Variants in KIRREL1 observed in about 807,000 individuals in gnomAD.
The protein encoded by KIRREL1 is kirre like nephrin family adhesion molecule 1.
A neutral mutation model predicts 83.3 loss-of-function variants in KIRREL1; 25 were observed. That is an observed-to-expected ratio of 0.30 (90% CI 0.22 to 0.42). KIRREL1 has a LOEUF of 0.42. Ranked by LOEUF, KIRREL1 falls within the 10% of genes least tolerant of loss-of-function variation. The pLI is 1.00. For synonymous variants in KIRREL1, 388 were observed against 410.4 expected (o/e 0.95, Z 0.66); for missense variants, 812 against 1,032.3 (o/e 0.79, Z 2.92).
chr1:157,997,614 C>A (rs560192015), intron 1 of KIRREL1, among the ~76,000 whole-genome samples: 1 of 152,076 alleles, frequency 6.6e-6, no homozygotes, highest in East Asian at 1.9e-4. Flanking sequence ...TCCTTGGAGA[C>A]CTCAGAAAAG....
chr1:157,996,994 G>A (rs1017908053), intron 1 of KIRREL1, among the ~76,000 whole-genome samples: 1 of 152,190 alleles, frequency 6.6e-6, no homozygotes, highest in African/African-American at 2.4e-5. Context: ...CAGTGAGATG[G>A]GAGGAGGAAG....
At chr1:158,068,768 G>T (rs1280011775) in intron 1 of KIRREL1, among the ~76,000 whole-genome samples, 7 of 151,928 alleles carry the variant, frequency 4.6e-5, no homozygotes, top group Admixed American at 1.3e-4. Context: ...TCTGGCTGTT[G>T]TATTTTTCAT....
intron 1 of KIRREL1, among the ~76,000 whole-genome samples, chr1:158,054,870 C>A (rs1300058887): frequency 6.6e-6 from 1 of 152,134 alleles, no homozygotes; most frequent in Non-Finnish European, 1.5e-5. Flanking sequence ...GACAATAGAG[C>A]GACAGGGAAG....
At chr1:158,057,640 C>T (rs1407515282) in intron 1 of KIRREL1, among the ~76,000 whole-genome samples, 1 of 152,106 alleles carries the variant, frequency 6.6e-6, no homozygotes, top group East Asian at 1.9e-4. Context: ...TTTTTGGGGT[C>T]GCCCCAGGTT....
chr1:158,080,837 G>A (rs6697006), intron 3 of KIRREL1, among the ~76,000 whole-genome samples: 67,838 of 151,980 alleles, frequency 0.45, 15,796 homozygotes, highest in East Asian at 0.71. Flanking sequence ...GAGGCAATAA[G>A]AAGGCATGAC....
intron 1 of KIRREL1, among the ~76,000 whole-genome samples, chr1:158,009,567 G>T (rs1460678901): frequency 6.6e-6 from 1 of 152,166 alleles, no homozygotes; most frequent in African/African-American, 2.4e-5. Context: ...AGGGAGGGAG[G>T]GTCCTTTTGT....
chr1:158,061,405 G>C (rs959018787), intron 1 of KIRREL1, among the ~76,000 whole-genome samples: 1 of 152,164 alleles, frequency 6.6e-6, no homozygotes, highest in African/African-American at 2.4e-5. Context: ...ATTCCTTGGG[G>C]GTGGGCAACA....
chr1:158,089,805 C>T lies in KIRREL1; in HGVS notation c.1259C>T (p.Pro420Leu), dbSNP rs1213280063. ...KVECFIGSTP[P>L]PDRIAWAWKE... Reference sequence around the variant, plus strand: ...GAGTGTTTCATTGGGAGCACACCACCCCCAGACCGCATAGTGAGTGGCGGA... The same window carrying T: ...GAGTGTTTCATTGGGAGCACACCACTCCCAGACCGCATAGTGAGTGGCGGA... Residue 420 changes from proline to leucine, a missense_variant, in exon 10 of 15, where the codon CCC (proline) becomes CTC (leucine). Coordinates refer to ENST00000359209, the MANE Select transcript of KIRREL1 (RefSeq NM_018240.7). The T allele has an allele frequency of 6.2e-7, 1 of 1,614,002 alleles. No individual in the cohort carries two copies. The highest frequency in any genetic ancestry group is 8.5e-7 in the Non-Finnish European group (1 of 1,179,938).
chr1:158,088,208 C>T (rs1662076455), intron 7 of KIRREL1, 54 bp downstream of exon 7: 2 of 1,613,052 alleles, frequency 1.2e-6, no homozygotes, highest in South Asian at 1.1e-5. Context: ...CCCCAAAGGG[C>T]CTTGGACAGA....
chr1:158,091,610 C>A (rs974996001), intron 11 of KIRREL1, 54 bp downstream of exon 11: 1 of 1,557,328 alleles, frequency 6.4e-7, no homozygotes. Flanking sequence ...GAGGATTCTG[C>A]TCCTTCTTTT....
chr1:158,042,833 G>GGA (rs1162201194), intron 1 of KIRREL1, among the ~76,000 whole-genome samples: 1 of 151,524 alleles, frequency 6.6e-6, no homozygotes, highest in Non-Finnish European at 1.5e-5. Flanking sequence ...AAGCACTTTG[G>GGA]GAGGCCAAGG....
intron 3 of KIRREL1, among the ~76,000 whole-genome samples, chr1:158,082,762 G>A (rs1403183722): frequency 2.0e-5 from 3 of 152,144 alleles, no homozygotes; most frequent in African/African-American, 7.2e-5. Flanking sequence ...GAGCCCAGGA[G>A]TTTCAGACCA....
rs143095266 is a variant in KIRREL1 at position 158,000,717 on chromosome 1, T to G, written c.52+6989T>G. Among the ~76,000 whole-genome samples, 1,227 of 152,324 alleles carry G rather than the reference T, an allele frequency of 8.1e-3. 9 individuals carry two copies. Among genetic ancestry groups the G allele is most frequent in the Middle Eastern group, 0.031 (9 of 294 alleles). Reference sequence around the variant, plus strand: ...CCATATTTAATTTATTCAGCCACTTTTATTAACCTCTGTTGTCTCCAGGGG... The same window carrying G: ...CCATATTTAATTTATTCAGCCACTTGTATTAACCTCTGTTGTCTCCAGGGG... On this transcript the variant is annotated intron_variant, in intron 1 of 14. Coordinates refer to ENST00000359209, the MANE Select transcript of KIRREL1 (RefSeq NM_018240.7).
intron 1 of KIRREL1, among the ~76,000 whole-genome samples, chr1:158,065,802 G>A (rs879706870): frequency 7.5e-6 from 1 of 134,008 alleles, no homozygotes; most frequent in Non-Finnish European, 1.6e-5. Flanking sequence ...ATCGCAGCCC[G>A]GATTTCTGCC....
At position 158,089,636 on chromosome 1, in the gene KIRREL1, A is replaced by T; in HGVS notation, c.1171+8A>T. 1 of 1,613,084 alleles carries T rather than the reference A, an allele frequency of 6.2e-7. No homozygotes were observed. The highest frequency in any genetic ancestry group is 1.1e-5 in the South Asian group (1 of 91,036). ...TGCCGCTCTATGTGAACGGTGAGTG[A>T]GTGGCCTGAGAGGCAGCCGGGCCTG... On this transcript the variant is annotated splice_region_variant and intron_variant, in intron 9 of 14. Coordinates refer to ENST00000359209, the MANE Select transcript of KIRREL1 (RefSeq NM_018240.7).
chr1:158,064,945 T>TG (rs1661320152), intron 1 of KIRREL1, among the ~76,000 whole-genome samples: 1 of 151,214 alleles, frequency 6.6e-6, no homozygotes, highest in Non-Finnish European at 1.5e-5. Context: ...TTTTTTTTTT[T>TG]TTTTTTTAAT....
At chr1:158,056,166 C>A (rs1330622421) in intron 1 of KIRREL1, among the ~76,000 whole-genome samples, 4 of 152,258 alleles carry the variant, frequency 2.6e-5, no homozygotes, top group Non-Finnish European at 5.9e-5. Context: ...ATGGGCAAAA[C>A]CAGTCTCTGT....
chr1:158,044,751 A>C (rs556471160), intron 1 of KIRREL1, among the ~76,000 whole-genome samples: 2 of 152,156 alleles, frequency 1.3e-5, no homozygotes, highest in Non-Finnish European at 1.5e-5. Flanking sequence ...CGCTCATCCC[A>C]AAGTGCCAGG....
chr1:158,044,443 C>A (rs1309832592), intron 1 of KIRREL1, among the ~76,000 whole-genome samples: 2 of 152,156 alleles, frequency 1.3e-5, no homozygotes, highest in Non-Finnish European at 2.9e-5. Flanking sequence ...AAAATTATAA[C>A]AGATTTATTT....
Sources: gnomAD v4.1 joint callset for allele counts (sites outside exome capture counted in the v4.1 genomes callset) on GRCh38, gnomAD v4.1.1 for gene constraint, MANE v1.5 for transcripts, NCBI Gene and HGNC (gene_info 2026-07-23, HGNC 2026-07-21) for gene names.